RORA: variants seen among roughly 807,000 people sequenced by gnomAD.
RORA encodes the protein RAR related orphan receptor A, also known as nuclear receptor ROR-alpha.
RORA carries 7 observed loss-of-function variants against 69.5 expected under a neutral mutation model. The ratio of observed to expected loss-of-function variants is 0.10; its 90% CI spans 0.06 to 0.19. The LOEUF (loss-of-function observed/expected upper bound fraction) is 0.19. Among genes scored for constraint, RORA ranks in the 10% least tolerant of loss-of-function variants. The pLI, the probability that RORA is intolerant of heterozygous loss-of-function variation, is 1.00. For synonymous variants in RORA, 261 were observed against 240.8 expected, an observed-to-expected ratio of 1.08 and a Z score of -0.78; for missense variants, 457 against 663.0, an observed-to-expected ratio of 0.69 and a Z score of 3.41.
chr15:61,049,274 G>A (rs964998948), intron 1 of RORA, among the ~76,000 whole-genome samples: 7 of 152,240 alleles, frequency 4.6e-5, no homozygotes, highest in East Asian at 3.9e-4. Flanking sequence ...TCCCACTTAC[G>A]TTGGAGCTCA....
At chr15:61,167,180 G>A (rs908518861) in intron 1 of RORA, among the ~76,000 whole-genome samples, 8 of 152,048 alleles carry the variant, frequency 5.3e-5, no homozygotes, top group African/African-American at 9.7e-5. Flanking sequence ...CTCTTCACTC[G>A]GTACTCAGCA....
At chr15:60,591,764 C>T (rs1300439358) in intron 2 of RORA, among the ~76,000 whole-genome samples, 1 of 152,164 alleles carries the variant, frequency 6.6e-6, no homozygotes, top group East Asian at 1.9e-4. Flanking sequence ...CCGTCTCGCT[C>T]CGGCCCGCGC....
intron 1 of RORA, among the ~76,000 whole-genome samples, chr15:60,919,041 G>C (rs1891960441): frequency 6.6e-6 from 1 of 152,144 alleles, no homozygotes. Context: ...ATGATGCTAC[G>C]AAAAGACATG....
chr15:60,533,813 TGAA>T (rs945455241), intron 2 of RORA, among the ~76,000 whole-genome samples: 1 of 152,192 alleles, frequency 6.6e-6, no homozygotes, highest in African/African-American at 2.4e-5. Flanking sequence ...ATACATGAAA[TGAA>T]GAAGACCTAC....
intron 1 of RORA, among the ~76,000 whole-genome samples, chr15:60,988,028 G>A (rs1894261852): frequency 6.6e-6 from 1 of 152,156 alleles, no homozygotes; most frequent in Non-Finnish European, 1.5e-5. Context: ...CTGTCCCCTG[G>A]CTGCCAAGAT....
intron 1 of RORA, among the ~76,000 whole-genome samples, chr15:60,739,469 G>A (rs1056884164): frequency 2.8e-4 from 42 of 152,232 alleles, no homozygotes; most frequent in African/African-American, 9.2e-4. Context: ...TACTCGAGGG[G>A]CTGAGTAGGG....
chr15:61,217,367 T>A (rs1028494282), intron 1 of RORA, among the ~76,000 whole-genome samples: 4 of 151,268 alleles, frequency 2.6e-5, no homozygotes, highest in African/African-American at 9.7e-5. Flanking sequence ...CAAACAGGAG[T>A]CTGGGAGCTT....
chr15:60,496,901 T>C lies in RORA; in HGVS notation c.*554A>G, dbSNP rs1036845998. 6.6e-6 allele frequency: 1 copy of C among 152,300 alleles called. No homozygotes were observed. Among genetic ancestry groups the C allele is most frequent in the Non-Finnish European group, 1.5e-5 (1 of 68,080 alleles). The allele number at this position is 152,300 out of a possible 1,614,324, so 9.4% of individuals were successfully genotyped here. On this transcript the variant is annotated 3_prime_UTR_variant, in exon 11 of 11. Transcript: ENST00000335670. This position sits in a 1 kb window ranked among gnomAD's most constrained non-coding sequence, Gnocchi z 4.5. ...CTCTTTTAGCTATATATAGTCTTCA[T>C]GCCCATTTACCCTGTAATATATTAT...
chr15:60,895,623 G>A (rs1891213149), intron 1 of RORA, among the ~76,000 whole-genome samples: 1 of 152,118 alleles, frequency 6.6e-6, no homozygotes, highest in African/African-American at 2.4e-5. Flanking sequence ...TTAGGCTGAG[G>A]CTTTTTATTT....
rs1259750261 is a variant in RORA at position 60,909,402 on chromosome 15, G to A, written c.167-230716C>T. 3.3e-5 allele frequency among the ~76,000 whole-genome samples: 5 copies of A among 152,242 alleles called. No individual in the cohort carries two copies. In the East Asian group the frequency reaches 9.6e-4, roughly 29 times the overall value. ...ATACTAGCTCTTTAGAACCTAGGTG[G>A]GCTAACGGGAAAAGTCAATGTTAGC... On this transcript the variant is annotated intron_variant, in intron 1 of 10. Transcript: ENST00000335670.
intron 1 of RORA, among the ~76,000 whole-genome samples, chr15:60,773,428 C>T (rs185187690): frequency 2.6e-5 from 4 of 152,082 alleles, no homozygotes; most frequent in Non-Finnish European, 4.4e-5. Flanking sequence ...GTGTGTTTCC[C>T]GAGAATGGGA....
At chr15:60,658,741 A>G (rs985971128) in intron 2 of RORA, among the ~76,000 whole-genome samples, 2 of 152,258 alleles carry the variant, frequency 1.3e-5, no homozygotes, top group Non-Finnish European at 2.9e-5. Context: ...TGTTACAGGT[A>G]AGTCTGTGCT....
intron 1 of RORA, among the ~76,000 whole-genome samples, chr15:60,811,135 C>A (rs1038672182): frequency 6.6e-6 from 1 of 152,206 alleles, no homozygotes; most frequent in Non-Finnish European, 1.5e-5. Flanking sequence ...AGTCCAGAGA[C>A]ACTCAGTTTC....
chr15:60,849,008 T>C (rs1042473588), intron 1 of RORA: 1 of 152,260 alleles, frequency 6.6e-6, no homozygotes, highest in African/African-American at 2.4e-5. Flanking sequence ...TTGTGGTTAT[T>C]TGTTATAGCA....
At chr15:61,117,178 C>CTTTTTTTTTTTTTTTT (rs35859710) in intron 1 of RORA, among the ~76,000 whole-genome samples, 1 of 138,402 alleles carries the variant, frequency 7.2e-6, no homozygotes. Context: ...TTAAAAGTTA[C>CTTTTTTTTTTTTTTTT]TTTTTTTTTT....
intron 1 of RORA, among the ~76,000 whole-genome samples, chr15:61,194,517 T>G (rs2079829663): frequency 6.8e-6 from 1 of 147,152 alleles, no homozygotes; most frequent in Non-Finnish European, 1.5e-5. Context: ...GAGCTAAGAC[T>G]GTGCCACTGC....
chr15:60,488,775 T>G lies in RORA; in HGVS notation c.*8680A>C, dbSNP rs930960515. 6.6e-6 allele frequency: 1 copy of G among 152,218 alleles called. No individual in the cohort carries two copies. The highest frequency in any genetic ancestry group is 2.4e-5 in the African/African-American group (1 of 41,458). The allele number at this position is 152,218 out of a possible 1,614,324, so 9.4% of individuals were successfully genotyped here. ...CAGTATTACTGTTTCCAAACTTGCA[T>G]GTATATTTACAGAAGGCTGAGTTTG... is the stretch of plus-strand genomic sequence containing the variant. On this transcript the variant is annotated 3_prime_UTR_variant, in exon 11 of 11. Transcript: ENST00000335670.
At chr15:61,016,924 A>G (rs1895311139) in intron 1 of RORA, among the ~76,000 whole-genome samples, 1 of 152,194 alleles carries the variant, frequency 6.6e-6, no homozygotes, top group Non-Finnish European at 1.5e-5. Context: ...ATATATACTC[A>G]GCCGAAGACG....
At chr15:60,974,826 G>GC (rs771968511) in intron 1 of RORA, among the ~76,000 whole-genome samples, 3 of 152,200 alleles carry the variant, frequency 2.0e-5, no homozygotes, top group Non-Finnish European at 4.4e-5. Context: ...TGAAGGAGGG[G>GC]CCCTCACAGC....
Sources: gnomAD v4.1 joint callset for allele counts (sites outside exome capture counted in the v4.1 genomes callset) on GRCh38, gnomAD v4.1.1 for gene constraint, Gnocchi (gnomAD v3.1) non-coding constraint, MANE v1.5 for transcripts, NCBI Gene and HGNC (gene_info 2026-07-23, HGNC 2026-07-21) for gene names.